The following FAM83G variants were observed in gnomAD, a reference collection of about 807,000 sequenced individuals.
FAM83G encodes the protein scaffolding CK1 anchoring protein G, also known as protein FAM83G.
FAM83G carries 38 observed loss-of-function variants against 61.5 expected under a neutral mutation model. That is an observed-to-expected ratio of 0.62 (90% CI 0.48 to 0.81). The LOEUF is 0.81. Ranked by LOEUF, FAM83G falls within the 30% of genes least tolerant of loss-of-function variation. The probability of loss-of-function intolerance (pLI) is 0.00; values close to 1 mark genes in which losing one functional copy is unlikely to be tolerated. For missense variants in FAM83G, 989 were observed against 1,133.6 expected (o/e 0.87, Z 1.83); for synonymous variants, 470 against 476.1 (o/e 0.99, Z 0.17).
Position 18,971,052 on chromosome 17 carries a change from C to A in FAM83G, c.*307G>T. ...GGTGGTTACGGGCAGCTGGAGGCAG[C>A]CTACGCCCAGGCCATTCCCTCCAGG... is the stretch of plus-strand genomic sequence containing the variant. On this transcript the variant is annotated 3_prime_UTR_variant, in exon 6 of 6. Coordinates refer to ENST00000388995, the MANE Select transcript of FAM83G (RefSeq NM_001039999.3). This position sits in a 1 kb window ranked among gnomAD's most constrained non-coding sequence, Gnocchi z 5.5. 6.2e-7 allele frequency: 1 copy of A among 1,613,976 alleles called. No homozygotes were observed. Among genetic ancestry groups the A allele is most frequent in the Non-Finnish European group, 8.5e-7 (1 of 1,180,032 alleles).
chr17:18,976,971 A>G (rs1235183186), intron 5 of FAM83G: 1 of 1,612,902 alleles, frequency 6.2e-7, no homozygotes, highest in Non-Finnish European at 8.5e-7. Flanking sequence ...GGGCATGATC[A>G]GCCGCGCATT....
Position 18,971,230 on chromosome 17 carries a change from C to T in FAM83G, c.*129G>A, listed in dbSNP as rs374504492. The T allele has an allele frequency of 4.6e-5, 74 of 1,613,450 alleles. No homozygotes were observed. In the East Asian group the frequency reaches 6.0e-4, roughly 13 times the overall value. On this transcript the variant is annotated 3_prime_UTR_variant, in exon 6 of 6. Transcript: ENST00000388995. This position sits in a 1 kb window ranked among gnomAD's most constrained non-coding sequence, Gnocchi z 5.5. ...GGTGCACCGACCAGGTGAGTGCCAA[C>T]GTCTCCCGCCCATCCCACCTTCCTG...
intron 2 of FAM83G, among the ~76,000 whole-genome samples, chr17:18,993,016 G>C (rs1300261552): frequency 6.6e-6 from 1 of 152,218 alleles, no homozygotes; most frequent in Non-Finnish European, 1.5e-5. Flanking sequence ...CTCGCAGGAC[G>C]AGTAGGTAGA....
intron 3 of FAM83G, among the ~76,000 whole-genome samples, chr17:18,987,026 G>A (rs1200519920): frequency 6.6e-6 from 1 of 152,186 alleles, no homozygotes; most frequent in East Asian, 1.9e-4. Flanking sequence ...GACTCACCAC[G>A]GAGTGCTCAC....
At chr17:18,976,809 T>C (rs1217373097) in intron 5 of FAM83G, 1 of 1,604,540 alleles carries the variant, frequency 6.2e-7, no homozygotes, top group Non-Finnish European at 8.5e-7. Flanking sequence ...CTGACACAAG[T>C]GTCCCTCAGG....
chr17:18,976,603 T>C, intron 5 of FAM83G: 1 of 497,260 alleles, frequency 2.0e-6, no homozygotes, highest in Non-Finnish European at 3.6e-6. Context: ...ACACCTCCCC[T>C]ATTGACAGGT....
At chr17:18,972,007 T>A (rs1187272099) in intron 5 of FAM83G, among the ~76,000 whole-genome samples, 1 of 152,164 alleles carries the variant, frequency 6.6e-6, no homozygotes, top group Admixed American at 6.5e-5. Context: ...CCTCCTCTAT[T>A]CCGACACAGG....
chr17:19,000,825 C>T lies in FAM83G; in HGVS notation c.522+2695G>A, dbSNP rs773321046. Among the ~76,000 whole-genome samples, 2 of 152,096 alleles carry T rather than the reference C, an allele frequency of 1.3e-5. No homozygotes were observed. The highest frequency in any genetic ancestry group is 6.5e-5 in the Admixed American group (1 of 15,286). On this transcript the variant is annotated intron_variant, in intron 2 of 5. Coordinates refer to ENST00000388995, the MANE Select transcript of FAM83G (RefSeq NM_001039999.3). This position sits in a 1 kb window ranked among gnomAD's most constrained non-coding sequence, Gnocchi z 5.2. ...TCATGGGGAGAGATAAGGCAGGGAG[C>T]GCTCCCAGGAAGCAGGCAGACAAAG... is the stretch of plus-strand genomic sequence containing the variant.
Position 18,970,708 on chromosome 17 carries a change from G to A in FAM83G, c.*651C>T, listed in dbSNP as rs2042820336. 4.8e-6 allele frequency: 2 copies of A among 413,280 alleles called. No homozygotes were observed. Among genetic ancestry groups the A allele is most frequent in the Non-Finnish European group, 8.8e-6 (2 of 226,074 alleles). 25.6% of individuals were successfully genotyped at this position (413,280 alleles called of 1,614,324 possible). A position where few individuals can be genotyped will look rare whatever the true frequency, so the allele number is the denominator to read the frequency against. The stretch of plus-strand genomic sequence containing the variant: ...CCTGGCTGAGAACCACTTGCCCAAG[G>A]CCGATGAGTGTCCAGAGGCCAACAG... On this transcript the variant is annotated 3_prime_UTR_variant, in exon 6 of 6. Coordinates refer to ENST00000388995, the MANE Select transcript of FAM83G (RefSeq NM_001039999.3).
intron 5 of FAM83G, chr17:18,976,722 T>C: frequency 8.3e-7 from 1 of 1,212,018 alleles, no homozygotes; most frequent in Non-Finnish European, 1.1e-6. Context: ...TGAGTGTGGC[T>C]GTTTTGGGCA....
intron 3 of FAM83G, among the ~76,000 whole-genome samples, chr17:18,981,662 G>A (rs181054670): frequency 5.9e-5 from 9 of 152,298 alleles, no homozygotes; most frequent in East Asian, 3.9e-4. Flanking sequence ...GGTGTGGGCC[G>A]TGGGTGAGTC....
rs760363889 is a variant in FAM83G at position 18,970,965 on chromosome 17, G to C, written c.*394C>G. On this transcript the variant is annotated 3_prime_UTR_variant, in exon 6 of 6. Transcript: ENST00000388995. ...AGGCAGGGGGGAGCCCAGGGAGTCA[G>C]GGCCCCGCAACCACCAAACTGTCCC... The C allele has an allele frequency of 5.7e-6, 9 of 1,585,054 alleles. No individual in the cohort carries two copies. In the South Asian group the frequency reaches 8.8e-5, roughly 16 times the overall value.
chr17:19,001,595 T>C (rs2043730834), intron 2 of FAM83G, among the ~76,000 whole-genome samples: 1 of 152,190 alleles, frequency 6.6e-6, no homozygotes, highest in Admixed American at 6.5e-5. Context: ...AGCAATCACC[T>C]TGTGGGAAGC....
chr17:18,971,681 G>C lies in FAM83G; in HGVS notation c.2150C>G (p.Pro717Arg). 1 of 1,609,404 alleles carries C rather than the reference G, an allele frequency of 6.2e-7. No individual in the cohort carries two copies. The highest frequency in any genetic ancestry group is 8.5e-7 in the Non-Finnish European group (1 of 1,177,034). Residue 717 changes from proline (P) to arginine (R), a missense_variant, in exon 6 of 6, where the codon CCC becomes CGC. Pro to Arg is a moderately radical substitution (Grantham distance 103). Around this residue, in one of 3 missense-constraint regions of FAM83G, gnomAD observed 574 missense variants for 645.1 expected, o/e 0.89. Coordinates refer to ENST00000388995, the MANE Select transcript of FAM83G (RefSeq NM_001039999.3). This position sits in a 1 kb window ranked among gnomAD's most constrained non-coding sequence, Gnocchi z 5.5. ...GTCAGCAGCAGAGCGGTACCTAGGG[G>C]GTCCTGGGAAGCCGTCTTTATCCCT... ...GTRDKDGFPG[P>R]PRYRSAADSV...
At position 18,970,532 on chromosome 17, in the gene FAM83G, T is replaced by C; in HGVS notation, c.*827A>G. 5.7e-6 allele frequency: 1 copy of C among 175,906 alleles called. No individual in the cohort carries two copies. Among genetic ancestry groups the C allele is most frequent in the South Asian group, 1.3e-4 (1 of 7,804 alleles). The allele number at this position is 175,906 out of a possible 1,614,324, so 10.9% of individuals were successfully genotyped here. A position where few individuals can be genotyped will look rare whatever the true frequency, so the allele number is the denominator to read the frequency against. On this transcript the variant is annotated 3_prime_UTR_variant, in exon 6 of 6. Transcript: ENST00000388995. ...GACCTGTCTCCCTCTTCTCTGTGCCTCAGGGGGTGGGGCCACATCACCACC... is the reference window on the plus strand; with the variant it reads ...GACCTGTCTCCCTCTTCTCTGTGCCCCAGGGGGTGGGGCCACATCACCACC...
At chr17:18,977,006 G>C in intron 5 of FAM83G, 1 of 1,610,100 alleles carries the variant, frequency 6.2e-7, no homozygotes, top group Non-Finnish European at 8.5e-7. Context: ...CGGGCTCCGG[G>C]CACTGAACCC....
At chr17:18,983,022 C>G (rs996643315) in intron 3 of FAM83G, among the ~76,000 whole-genome samples, 1 of 152,222 alleles carries the variant, frequency 6.6e-6, no homozygotes, top group Non-Finnish European at 1.5e-5. Flanking sequence ...CTGGAAGTGG[C>G]GCAGTGGGCT....
Position 18,969,355 on chromosome 17 carries a change from T to C in FAM83G, c.*2004A>G. On this transcript the variant is annotated 3_prime_UTR_variant, in exon 6 of 6. Coordinates refer to ENST00000388995, the MANE Select transcript of FAM83G (RefSeq NM_001039999.3). ...TTCCACTGGCAGGGGGCCTGGCTGCTGTAATCTACACGGACGCCCTGCAGA... is the reference window on the plus strand; with the variant it reads ...TTCCACTGGCAGGGGGCCTGGCTGCCGTAATCTACACGGACGCCCTGCAGA... The C allele has an allele frequency of 6.2e-7, 1 of 1,613,448 alleles. No individual in the cohort carries two copies. The highest frequency in any genetic ancestry group is 8.5e-7 in the Non-Finnish European group (1 of 1,179,974).
At chr17:18,979,861 C>T (rs1367493749) in intron 3 of FAM83G, among the ~76,000 whole-genome samples, 188 bp from the exon 4 acceptor site, 5 of 152,142 alleles carry the variant, frequency 3.3e-5, no homozygotes, top group African/African-American at 9.7e-5. Flanking sequence ...AAGGAGGGAG[C>T]TGCTGAGCCG....
Sources: gnomAD v4.1 joint callset for allele counts (sites outside exome capture counted in the v4.1 genomes callset) on GRCh38, gnomAD v4.1.1 for gene constraint, gnomAD v4.1.1 regional missense constraint, Gnocchi (gnomAD v3.1) non-coding constraint, MANE v1.5 for transcripts, NCBI Gene and HGNC (gene_info 2026-07-23, HGNC 2026-07-21) for gene names.